Variants in SETX observed in about 807,000 individuals in gnomAD.
SETX encodes the protein helicase senataxin.
A neutral mutation model predicts 227.2 loss-of-function variants in SETX; 90 were observed. That is an observed-to-expected ratio of 0.40 (90% CI 0.33 to 0.47). The LOEUF (loss-of-function observed/expected upper bound fraction) is 0.47, where lower values mean the gene tolerates loss of function less well. Ranked by LOEUF, SETX falls within the 20% of genes least tolerant of loss-of-function variation. The probability of loss-of-function intolerance (pLI) is 0.91; values close to 1 mark genes in which losing one functional copy is unlikely to be tolerated. For synonymous variants in SETX, 1,210 were observed against 1,113.2 expected (o/e 1.09, Z -1.73); for missense variants, 3,052 against 3,181.5 (o/e 0.96, Z 0.98).
intron 25 of SETX, among the ~76,000 whole-genome samples, chr9:132,266,471 C>T (rs1842657684): frequency 6.6e-6 from 1 of 152,072 alleles, no homozygotes; most frequent in Middle Eastern, 3.2e-3. Context: ...ATAACACCAG[C>T]ATTAAAACTT....
intron 10 of SETX, among the ~76,000 whole-genome samples, chr9:132,321,439 G>C (rs991309100): frequency 2.0e-5 from 3 of 152,102 alleles, no homozygotes; most frequent in African/African-American, 7.2e-5. Context: ...GGTGGATCAA[G>C]ATGTCAGGAG....
intron 10 of SETX, among the ~76,000 whole-genome samples, chr9:132,322,841 T>TA (rs1846449380): frequency 1.2e-3 from 1 of 820 alleles, no homozygotes; most frequent in African/African-American, 2.1e-3. Context: ...ACTTTAAAAT[T>TA]ATCATAAACT....
chr9:132,327,038 A>C lies in SETX; in HGVS notation c.4560T>G (p.Ile1520Met), dbSNP rs762089687. Residue 1520 changes from isoleucine to methionine, a missense_variant, in exon 10 of 26, where the codon ATT becomes ATG. By Grantham distance (10) the Ile-to-Met change is conservative. Coordinates refer to ENST00000224140, the MANE Select transcript of SETX (RefSeq NM_015046.7). ...CTGTATCTTTTCCATGAATTAGTTC[A>C]ATGAGTTTATAATTGTCATTCTCCA... ...SQMENDNYKL[I>M]ELIHGKDTVE... 1.9e-6 allele frequency: 3 copies of C among 1,614,178 alleles called. No individual in the cohort carries two copies. The highest frequency in any genetic ancestry group is 2.5e-6 in the Non-Finnish European group (3 of 1,180,014).
intron 25 of SETX, among the ~76,000 whole-genome samples, chr9:132,268,472 G>A (rs149226919): frequency 1.3e-5 from 2 of 152,304 alleles, no homozygotes; most frequent in East Asian, 1.9e-4. Flanking sequence ...CTGCACTCCC[G>A]CCAGGGGAAA....
In SETX at chr9:132,330,235, T is replaced by C. The variant is rs777032247; in HGVS notation, c.1363A>G (p.Thr455Ala). 7 of 1,570,148 alleles carry C rather than the reference T, an allele frequency of 4.5e-6. No individual in the cohort carries two copies. Among genetic ancestry groups the C allele is most frequent in the East Asian group, 2.3e-5 (1 of 44,432 alleles). Residue 455 changes from threonine (T) to alanine (A), a missense_variant, in exon 10 of 26, where the codon ACT (threonine) becomes GCT (alanine). This residue lies in a region of SETX where 179 missense variants were observed against 197.1 expected (regional missense o/e 0.91). Transcript: ENST00000224140. The part of the protein sequence containing the change: ...NQTDAVCDKV[T>A]EFFLLILVSV... ...ACCAAAATTAGAAGAAAAAATTCAG[T>C]GACTTTGTCACACACAGCATCTGTT...
chr9:132,329,767 C>G lies in SETX; in HGVS notation c.1831G>C (p.Ala611Pro). ...TAAGATGCAGGAGAGATTTTACATG[C>G]AGAAGTCAGATCCACAAAAGTGTTA... ...PCNTFVDLTSACKISPASYNK... is the reference protein window; with the variant it reads ...PCNTFVDLTSPCKISPASYNK... Residue 611 changes from alanine (A) to proline (P), a missense_variant, in exon 10 of 26, where the codon GCA becomes CCA. Physicochemically the swap from Ala to Pro is conservative, Grantham distance 27. Transcript: ENST00000224140. The G allele has an allele frequency of 3.1e-6, 5 of 1,614,030 alleles. No individual in the cohort carries two copies. Among genetic ancestry groups the G allele is most frequent in the Non-Finnish European group, 4.2e-6 (5 of 1,179,996 alleles).
chr9:132,292,690 C>A (rs917694726), intron 15 of SETX, among the ~76,000 whole-genome samples: 1 of 141,350 alleles, frequency 7.1e-6, no homozygotes, highest in African/African-American at 2.7e-5. Flanking sequence ...AGTGCAGTGG[C>A]GCGATCTCAG....
At chr9:132,286,355 A>T in intron 18 of SETX, 68 bp downstream of exon 18, 1 of 1,110,394 alleles carries the variant, frequency 9.0e-7, no homozygotes, top group South Asian at 1.3e-5. Flanking sequence ...GCTTGTCTGA[A>T]CAGTCATACT....
intron 10 of SETX, among the ~76,000 whole-genome samples, chr9:132,321,308 T>G (rs1481960212): frequency 2.7e-5 from 4 of 150,756 alleles, no homozygotes; most frequent in African/African-American, 7.3e-5. Flanking sequence ...TCACCTGAGG[T>G]CAGGAGTTTG....
chr9:132,323,392 C>A (rs1380226701), intron 10 of SETX, among the ~76,000 whole-genome samples: 2 of 152,130 alleles, frequency 1.3e-5, no homozygotes, highest in African/African-American at 4.8e-5. Context: ...AAGGCAATTA[C>A]AGCATACTAC....
In SETX at chr9:132,329,375, T is replaced by A. The variant is rs768794530; in HGVS notation, c.2223A>T (p.Ile741=). The change falls in exon 10 of 26, where the codon ATA becomes ATT. Residue 741 remains isoleucine, a synonymous_variant. Coordinates refer to ENST00000224140, the MANE Select transcript of SETX (RefSeq NM_015046.7). ...GPERGCDRGI[I]VSTRLLTDSS... is the part of the protein sequence containing the mutation. The stretch of plus-strand genomic sequence containing the variant: ...AATCAGTCAACAAACGTGTTGATAC[T>A]ATTATTCCTCTGTCACATCCCCTTT... 1.9e-6 allele frequency: 3 copies of A among 1,613,994 alleles called. No individual in the cohort carries two copies. In the South Asian group the frequency reaches 3.3e-5, roughly 18 times the overall value.
intron 11 of SETX, among the ~76,000 whole-genome samples, chr9:132,309,146 G>C (rs139821193): frequency 4.1e-4 from 62 of 152,096 alleles, no homozygotes; most frequent in Middle Eastern, 3.4e-3. Flanking sequence ...TCAAAAAACA[G>C]AACAAACAAA....
chr9:132,283,793 G>A (rs1471976929), intron 18 of SETX, among the ~76,000 whole-genome samples: 1 of 152,182 alleles, frequency 6.6e-6, no homozygotes, highest in Non-Finnish European at 1.5e-5. Flanking sequence ...GTGGAATTCA[G>A]CCTGAATGTA....
chr9:132,343,062 G>A (rs1419090970), intron 4 of SETX, among the ~76,000 whole-genome samples: 1 of 152,184 alleles, frequency 6.6e-6, no homozygotes, highest in Admixed American at 6.5e-5. Flanking sequence ...GCTCACACCT[G>A]TAATCCCAGC....
chr9:132,336,062 T>C (rs1304916753), intron 6 of SETX, among the ~76,000 whole-genome samples: 1 of 151,950 alleles, frequency 6.6e-6, no homozygotes, highest in Non-Finnish European at 1.5e-5. Flanking sequence ...GCCAACATGG[T>C]GAAACCCCGT....
At position 132,329,549 on chromosome 9, in the gene SETX, G is replaced by C; in HGVS notation, c.2049C>G (p.Leu683=). 1 of 1,613,312 alleles carries C rather than the reference G, an allele frequency of 6.2e-7. No homozygotes were observed. The highest frequency in any genetic ancestry group is 8.5e-7 in the Non-Finnish European group (1 of 1,179,972). Reference sequence around the variant, plus strand: ...TCTGCTTTAAGCATGACCCAGCTAAGAGATGGTCCTCTAGTTTCACATCCT... The same window carrying C: ...TCTGCTTTAAGCATGACCCAGCTAACAGATGGTCCTCTAGTTTCACATCCT... ...YIKDVKLEDH[L]LAGSCLKQSS... Residue 683 remains leucine (L), a synonymous_variant, in exon 10 of 26, where the codon CTC becomes CTG. Transcript: ENST00000224140.
At chr9:132,300,927 A>G (rs1287445622) in intron 11 of SETX, 124 bp from the exon 12 acceptor site, 3 of 744,842 alleles carry the variant, frequency 4.0e-6, no homozygotes, top group Non-Finnish European at 6.3e-6. Context: ...AGGACTCTGC[A>G]TATACTTTAA....
rs1329296662 is a variant in SETX at position 132,300,706 on chromosome 9, ATCTTTCTTC to A, written c.5463_5471del (p.Glu1821_Lys1823del). The A allele has an allele frequency of 2.5e-6, 4 of 1,613,758 alleles. No homozygotes were observed. Among genetic ancestry groups the A allele is most frequent in the Non-Finnish European group, 3.4e-6 (4 of 1,179,898 alleles). On this transcript the variant is annotated inframe_deletion, in exon 12 of 26. Transcript: ENST00000224140. Reference sequence around the variant, plus strand: ...GATCTTGTATGTCATTTCTCTCTGTATCTTTCTTCTCTTCATTTATTCTCTCAGGAGCTA... The same window carrying A: ...GATCTTGTATGTCATTTCTCTCTGTATCTTCATTTATTCTCTCAGGAGCTA...
intron 22 of SETX, 149 bp from the exon 23 acceptor site, chr9:132,275,569 G>T: frequency 1.5e-6 from 1 of 658,080 alleles, no homozygotes; most frequent in Non-Finnish European, 2.6e-6. Context: ...GACTCCAAGA[G>T]GCTGTTACAA....
Sources: allele counts gnomAD v4.1 joint callset (sites outside exome capture counted in the v4.1 genomes callset), GRCh38; gene constraint gnomAD v4.1.1; regional missense constraint gnomAD v4.1.1; transcripts MANE v1.5; gene names NCBI Gene and HGNC (gene_info 2026-07-23, HGNC 2026-07-21).